Variants in TTC7A observed in about 807,000 individuals in gnomAD.
The protein encoded by TTC7A is tetratricopeptide repeat domain 7A.
In TTC7A, 110 loss-of-function variants were observed where a neutral mutation model predicts 103.7. That is an observed-to-expected ratio of 1.06 (90% CI 0.91 to 1.24). The LOEUF is 1.24. Ranked by LOEUF, TTC7A falls within the 50% of genes most tolerant of loss-of-function variation. TTC7A has a pLI of 0.00. For missense variants in TTC7A, 1,340 were observed against 1,116.3 expected (o/e 1.20, Z -2.86); for synonymous variants, 521 against 467.9 (o/e 1.11, Z -1.47).
chr2:46,923,615 G>C (rs78211377), intron 2 of TTC7A, among the ~76,000 whole-genome samples: 1,649 of 152,280 alleles, frequency 0.011, 32 homozygotes, highest in African/African-American at 0.038. Context: ...GAATTGACCA[G>C]GTGTGATGGT....
At chr2:47,034,815 G>A (rs1305893655) in intron 15 of TTC7A, among the ~76,000 whole-genome samples, 1 of 152,132 alleles carries the variant, frequency 6.6e-6, no homozygotes, top group African/African-American at 2.4e-5. Context: ...ACTGGTCCCG[G>A]GGGACTTGGA....
chr2:47,046,273 C>A, intron 15 of TTC7A, 42 bp from the exon 16 acceptor site: 1 of 1,514,796 alleles, frequency 6.6e-7, no homozygotes, highest in Non-Finnish European at 9.2e-7. Flanking sequence ...TGAAAGTGGG[C>A]CCTTGCTGGG....
intron 15 of TTC7A, chr2:47,040,374 A>G (rs72808513): frequency 0.046 from 6,935 of 152,344 alleles, 179 homozygotes; most frequent in Non-Finnish European, 0.057. Flanking sequence ...TCACTTTCAT[A>G]TCATCCTTCG....
intron 11 of TTC7A, among the ~76,000 whole-genome samples, chr2:47,014,929 G>C (rs1369569126): frequency 2.6e-5 from 4 of 152,234 alleles, no homozygotes; most frequent in Admixed American, 2.6e-4. Context: ...CCCCATACCG[G>C]GTCTGGGTCT....
At chr2:46,924,057 T>C (rs1371982425) in intron 2 of TTC7A, among the ~76,000 whole-genome samples, 1 of 151,742 alleles carries the variant, frequency 6.6e-6, no homozygotes, top group Non-Finnish European at 1.5e-5. Flanking sequence ...TTTTAAAAAA[T>C]AGCCAGGCGT....
chr2:46,918,449 C>T (rs1668932379), intron 2 of TTC7A, among the ~76,000 whole-genome samples: 1 of 152,178 alleles, frequency 6.6e-6, no homozygotes, highest in African/African-American at 2.4e-5. Flanking sequence ...CCATTCTTGC[C>T]CTACTGTAGT....
At chr2:46,930,010 A>C (rs1299986216) in intron 2 of TTC7A, among the ~76,000 whole-genome samples, 1 of 152,196 alleles carries the variant, frequency 6.6e-6, no homozygotes, top group Non-Finnish European at 1.5e-5. Context: ...AGCTGGGTGG[A>C]ATAGGTGGCA....
intron 10 of TTC7A, among the ~76,000 whole-genome samples, chr2:47,008,250 G>A (rs1176784169): frequency 6.6e-6 from 1 of 152,214 alleles, no homozygotes; most frequent in Non-Finnish European, 1.5e-5. Flanking sequence ...CCTTCTGTGG[G>A]TCCTGGACTC....
chr2:47,071,670 G>C (rs7609058), intron 19 of TTC7A, among the ~76,000 whole-genome samples: 109,014 of 152,078 alleles, frequency 0.72, 39,219 homozygotes, highest in East Asian at 0.88. Context: ...CTTCCGGCCA[G>C]CAAGCCCTGA....
intron 2 of TTC7A, among the ~76,000 whole-genome samples, chr2:46,920,562 C>G (rs1433229450): frequency 6.6e-6 from 1 of 151,544 alleles, no homozygotes; most frequent in African/African-American, 2.4e-5. Flanking sequence ...AACTCCTGAA[C>G]TCACGTGATC....
chr2:46,919,642 C>G (rs1025006403), intron 2 of TTC7A, among the ~76,000 whole-genome samples: 3 of 152,216 alleles, frequency 2.0e-5, no homozygotes, highest in African/African-American at 7.2e-5. Context: ...AAATCTCAAG[C>G]CTGGTTAACA....
chr2:46,927,306 C>T (rs1267959353), intron 2 of TTC7A, among the ~76,000 whole-genome samples: 5 of 150,314 alleles, frequency 3.3e-5, no homozygotes, highest in Non-Finnish European at 5.9e-5. Context: ...TAAAATAAGT[C>T]TGTAGAAAAC....
At chr2:46,940,886 G>T (rs1670273129), upstream of TTC7A, among the ~76,000 whole-genome samples, 1 of 152,132 alleles carries the variant, frequency 6.6e-6, no homozygotes, top group African/African-American at 2.4e-5. This position sits in a 1 kb window ranked among gnomAD's most constrained non-coding sequence, Gnocchi z 4.7. Context: ...CGTGTCAGGG[G>T]CAGCAGCGGT....
intron 3 of TTC7A, among the ~76,000 whole-genome samples, chr2:46,966,659 A>G (rs1276533711): frequency 6.9e-6 from 1 of 143,984 alleles, no homozygotes; most frequent in Non-Finnish European, 1.5e-5. Context: ...TGTATACATC[A>G]CTTTTTTTTT....
intron 2 of TTC7A, among the ~76,000 whole-genome samples, chr2:46,927,894 T>G (rs987757688): frequency 5.4e-5 from 7 of 129,162 alleles, no homozygotes; most frequent in Non-Finnish European, 8.4e-5. Flanking sequence ...GTTTTTTTTT[T>G]TTTTTTTTTT....
chr2:46,932,192 C>T (rs552502585), intron 2 of TTC7A, among the ~76,000 whole-genome samples: 1 of 151,820 alleles, frequency 6.6e-6, no homozygotes, highest in Non-Finnish European at 1.5e-5. Flanking sequence ...CTCTGTCACC[C>T]AGGCTGGAGT....
At chr2:46,976,542 G>T (rs1258150580) in intron 4 of TTC7A, among the ~76,000 whole-genome samples, 1 of 152,198 alleles carries the variant, frequency 6.6e-6, no homozygotes, top group Non-Finnish European at 1.5e-5. Context: ...CAAAATGTCA[G>T]TCCAGTACCC....
chr2:47,048,572 C>G (rs909604640), intron 16 of TTC7A, among the ~76,000 whole-genome samples: 17 of 152,220 alleles, frequency 1.1e-4, no homozygotes, highest in African/African-American at 3.9e-4. Flanking sequence ...GCCCATGATT[C>G]CAGCCTAGTG....
intron 14 of TTC7A, among the ~76,000 whole-genome samples, chr2:47,027,178 C>G (rs951093223): frequency 6.6e-6 from 1 of 152,204 alleles, no homozygotes; most frequent in Admixed American, 6.5e-5. Context: ...AGTGAAGCAG[C>G]AGTGTGTGGG....
Sources: gnomAD v4.1 joint callset for allele counts (sites outside exome capture counted in the v4.1 genomes callset) on GRCh38, gnomAD v4.1.1 for gene constraint, Gnocchi (gnomAD v3.1) non-coding constraint, MANE v1.5 for transcripts, NCBI Gene and HGNC (gene_info 2026-07-23, HGNC 2026-07-21) for gene names.